RBFOX1: variants seen among roughly 807,000 people sequenced by gnomAD.
RBFOX1 encodes RNA binding protein fox-1 homolog 1.
RBFOX1 carries 8 observed loss-of-function variants against 57.7 expected under a neutral mutation model. The observed-to-expected ratio is 0.14, with a 90% CI of 0.08 to 0.25. The LOEUF is 0.25. Among genes scored for constraint, RBFOX1 ranks in the 10% least tolerant of loss-of-function variants. RBFOX1 has a pLI of 1.00. For missense variants in RBFOX1, 611 were observed against 548.5 expected, an observed-to-expected ratio of 1.11 and a Z score of -1.14; for synonymous variants, 326 against 222.4, an observed-to-expected ratio of 1.47 and a Z score of -4.15.
At chr16:6,065,064 G>A (rs1217936303) in intron 1 of RBFOX1, among the ~76,000 whole-genome samples, 1 of 146,844 alleles carries the variant, frequency 6.8e-6, no homozygotes, top group Non-Finnish European at 1.5e-5. Flanking sequence ...GTCTTGTTCT[G>A]TCACCCAGGC....
chr16:6,733,716 C>T (rs1351976236), intron 3 of RBFOX1, among the ~76,000 whole-genome samples: 1 of 152,016 alleles, frequency 6.6e-6, no homozygotes, highest in Admixed American at 6.6e-5. Flanking sequence ...TGAGATCACA[C>T]CACTGCACTC....
intron 4 of RBFOX1, among the ~76,000 whole-genome samples, chr16:7,344,596 T>A (rs1331769199): frequency 6.6e-6 from 1 of 151,710 alleles, no homozygotes; most frequent in African/African-American, 2.4e-5. Flanking sequence ...TAATAATAAT[T>A]ATTATTTCTA....
intron 5 of RBFOX1, among the ~76,000 whole-genome samples, chr16:7,569,619 C>G (rs573850290): frequency 3.5e-4 from 54 of 152,288 alleles, no homozygotes; most frequent in African/African-American, 1.3e-3. Flanking sequence ...ATTCAAGATT[C>G]CAGGTATTAG....
At chr16:6,126,328 C>A (rs562892680) in intron 1 of RBFOX1, among the ~76,000 whole-genome samples, 4 of 152,324 alleles carry the variant, frequency 2.6e-5, no homozygotes, top group Admixed American at 2.6e-4. Flanking sequence ...CCTACTGGTG[C>A]CATGAAATTC....
chr16:5,861,864 G>A (rs1005919826), intron 3 of RBFOX1, among the ~76,000 whole-genome samples: 5 of 152,176 alleles, frequency 3.3e-5, no homozygotes, highest in African/African-American at 4.8e-5. Flanking sequence ...GGGGAAAGAG[G>A]TCAGGAAAGA....
In RBFOX1 at chr16:6,351,056, GC is replaced by G. The variant is rs1390142136; in HGVS notation, c.-64+34001del. On this transcript the variant is annotated intron_variant, in intron 2 of 15. Transcript: ENST00000550418. ...CTTATCCTTTCAGTTTTCTCCTGTT[GC>G]CTTTCAACCACAGCAATGTGGCCAA... Among the ~76,000 whole-genome samples, 5 of 152,136 alleles carry G rather than the reference GC, an allele frequency of 3.3e-5. No homozygotes were observed. In the East Asian group the frequency reaches 5.8e-4, roughly 18 times the overall value.
At chr16:6,566,386 A>G (rs1887540794) in intron 2 of RBFOX1, among the ~76,000 whole-genome samples, 1 of 151,950 alleles carries the variant, frequency 6.6e-6, no homozygotes, top group Non-Finnish European at 1.5e-5. Context: ...AAAATATGTA[A>G]CTTTTAGGAA....
chr16:6,895,762 C>G lies in RBFOX1; in HGVS notation c.-15-156295C>G, dbSNP rs571652686. ...ACATCTCAACAGTGAGGAATGAGCC[C>G]TAAGACAGGTTGAAATCCCAGCTCT... On this transcript the variant is annotated intron_variant, in intron 3 of 15. Transcript: ENST00000550418. 3.3e-5 allele frequency among the ~76,000 whole-genome samples: 5 copies of G among 152,064 alleles called. No individual in the cohort carries two copies. The East Asian group carries it at 9.7e-4, about 29-fold the overall frequency.
chr16:6,060,650 C>T (rs1309592616), intron 1 of RBFOX1, among the ~76,000 whole-genome samples: 1 of 152,122 alleles, frequency 6.6e-6, no homozygotes, highest in African/African-American at 2.4e-5. Context: ...AATCCTTTGG[C>T]TGCAAGTAAC....
chr16:7,527,753 A>G (rs1024919762), intron 5 of RBFOX1, among the ~76,000 whole-genome samples: 5 of 152,198 alleles, frequency 3.3e-5, no homozygotes, highest in Non-Finnish European at 7.3e-5. Context: ...TGACAAACAC[A>G]TAGTAAACAT....
intron 3 of RBFOX1, among the ~76,000 whole-genome samples, chr16:5,831,399 C>A (rs1396661290): frequency 2.0e-5 from 3 of 152,080 alleles, no homozygotes; most frequent in African/African-American, 7.2e-5. Context: ...AAAAGCTCCC[C>A]TGGGCCTACG....
chr16:6,911,397 C>G (rs934486553), intron 3 of RBFOX1, among the ~76,000 whole-genome samples: 1 of 152,158 alleles, frequency 6.6e-6, no homozygotes, highest in Non-Finnish European at 1.5e-5. Context: ...GAGGAGGAAT[C>G]TGTTCCATGC....
At chr16:7,126,250 C>G (rs981204633) in intron 4 of RBFOX1, 3 of 238,122 alleles carry the variant, frequency 1.3e-5, no homozygotes, top group Non-Finnish European at 2.5e-5. Flanking sequence ...TTTTATTTTT[C>G]TCCAGAGTAT....
rs1469973481 is a variant in RBFOX1 at position 6,904,594 on chromosome 16, C to CCG, written c.-15-147463_-15-147462insCG. 3.3e-4 allele frequency among the ~76,000 whole-genome samples: 29 copies of CCG among 89,036 alleles called. 1 individual carries two copies. Among genetic ancestry groups the CCG allele is most frequent in the Admixed American group, 2.8e-3 (17 of 6,036 alleles). The allele number at this position is 89,036 out of a possible 152,430, so 58.4% of individuals were successfully genotyped here. Reference sequence around the variant, plus strand: ...CCAGCCTGGGTGACAGAGTGAGACTCTCTCTAAAAAAAAAAAAAAAAAAAA... The same window carrying CCG: ...CCAGCCTGGGTGACAGAGTGAGACTCCGTCTCTAAAAAAAAAAAAAAAAAAAA... On this transcript the variant is annotated intron_variant, in intron 3 of 15. Transcript: ENST00000550418.
intron 3 of RBFOX1, among the ~76,000 whole-genome samples, chr16:6,696,692 G>C (rs1039092345): frequency 5.4e-5 from 2 of 36,936 alleles, no homozygotes; most frequent in Admixed American, 2.6e-4. Flanking sequence ...TCTCAAAGGA[G>C]ATTTTTTTTT....
intron 2 of RBFOX1, among the ~76,000 whole-genome samples, chr16:6,553,847 G>C (rs930628501): frequency 6.6e-6 from 1 of 152,132 alleles, no homozygotes; most frequent in Admixed American, 6.5e-5. Flanking sequence ...ATCTCATCAT[G>C]AATTGACAAG....
chr16:7,156,995 A>G (rs1007984873), intron 4 of RBFOX1, among the ~76,000 whole-genome samples: 1 of 152,170 alleles, frequency 6.6e-6, no homozygotes, highest in East Asian at 1.9e-4. Context: ...ACAAACATAC[A>G]TCCTCTGCTG....
chr16:7,493,804 G>T (rs1168412384), intron 4 of RBFOX1, among the ~76,000 whole-genome samples: 2 of 152,224 alleles, frequency 1.3e-5, no homozygotes, highest in Non-Finnish European at 2.9e-5. Flanking sequence ...TTTGCATTGT[G>T]TGAAGCCACA....
intron 2 of RBFOX1, among the ~76,000 whole-genome samples, chr16:5,533,734 A>C (rs1453624429): frequency 6.6e-6 from 1 of 152,184 alleles, no homozygotes; most frequent in African/African-American, 2.4e-5. Flanking sequence ...GTGTGTTTCA[A>C]GGTTACCGGG....
Sources: gnomAD v4.1 joint callset for allele counts (sites outside exome capture counted in the v4.1 genomes callset) on GRCh38, gnomAD v4.1.1 for gene constraint, MANE v1.5 for transcripts, NCBI Gene and HGNC (gene_info 2026-07-23, HGNC 2026-07-21) for gene names.